PRDM2: variants seen among roughly 807,000 people sequenced by gnomAD.
The protein encoded by PRDM2 is PR domain zinc finger protein 2.
Under a neutral mutation model 130.0 loss-of-function variants are expected in PRDM2, and 30 were observed. The observed-to-expected ratio is 0.23, with a 90% CI of 0.17 to 0.31. The LOEUF is 0.31. Among genes scored for constraint, PRDM2 ranks in the 10% least tolerant of loss-of-function variants. PRDM2 has a pLI of 1.00. For missense variants in PRDM2, 2,011 were observed against 2,108.4 expected, an observed-to-expected ratio of 0.95 and a Z score of 0.90; for synonymous variants, 871 against 782.4, an observed-to-expected ratio of 1.11 and a Z score of -1.89.
At chr1:13,701,527 G>A (rs980655770) in intron 1 of PRDM2, among the ~76,000 whole-genome samples, 5 of 152,118 alleles carry the variant, frequency 3.3e-5, no homozygotes, top group African/African-American at 4.8e-5. Context: ...ACTGTCATAC[G>A]TTCTTTTTTA....
chr1:13,713,554 A>T (rs1350565415), intron 1 of PRDM2, among the ~76,000 whole-genome samples: 1 of 152,226 alleles, frequency 6.6e-6, no homozygotes, highest in African/African-American at 2.4e-5. Context: ...TGAGAGGGAA[A>T]AGGCAAACAA....
At chr1:13,714,084 T>A (rs1211724360) in intron 1 of PRDM2, among the ~76,000 whole-genome samples, 7 of 152,174 alleles carry the variant, frequency 4.6e-5, no homozygotes, top group South Asian at 4.1e-4. Flanking sequence ...TTAGCCAGGA[T>A]GGTCTCGATC....
chr1:13,790,408 C>T (rs1299427682), intron 8 of PRDM2, among the ~76,000 whole-genome samples: 1 of 152,112 alleles, frequency 6.6e-6, no homozygotes, highest in Non-Finnish European at 1.5e-5. Context: ...AATCCTGAGC[C>T]GTGTCCACTT....
intron 5 of PRDM2, among the ~76,000 whole-genome samples, chr1:13,744,709 C>T (rs1265798597): frequency 6.6e-6 from 1 of 152,162 alleles, no homozygotes; most frequent in Admixed American, 6.5e-5. Flanking sequence ...TGTTAACTAG[C>T]TATACTAGTA....
chr1:13,757,733 T>C (rs1643991691), intron 6 of PRDM2, among the ~76,000 whole-genome samples: 1 of 152,016 alleles, frequency 6.6e-6, no homozygotes, highest in Admixed American at 6.6e-5. Flanking sequence ...TGACATTTTG[T>C]TTTTTATTTG....
At chr1:13,711,312 G>T (rs1053957410) in intron 1 of PRDM2, among the ~76,000 whole-genome samples, 2 of 152,176 alleles carry the variant, frequency 1.3e-5, no homozygotes, top group Admixed American at 1.3e-4. Flanking sequence ...GCACTTCCAC[G>T]GGGGTTTTGA....
intron 8 of PRDM2, among the ~76,000 whole-genome samples, chr1:13,789,486 T>C (rs1327741756): frequency 2.0e-5 from 3 of 152,224 alleles, no homozygotes; most frequent in Non-Finnish European, 4.4e-5. Flanking sequence ...CCCCACTTTA[T>C]ACTTCATATT....
rs149228131 is a variant in PRDM2 at position 13,764,548 on chromosome 1, T to C, written c.512-8530T>C. Among the ~76,000 whole-genome samples, 13 of 152,356 alleles carry C rather than the reference T, an allele frequency of 8.5e-5. 1 individual carries two copies. In the South Asian group the frequency reaches 2.3e-3, roughly 27 times the overall value. On this transcript the variant is annotated intron_variant, in intron 6 of 9. Transcript: ENST00000311066. ...AGCCCTTTCTTAAGATGTGGAATTA[T>C]CCAGTCAAAACCACTGAAAGCCTTT... is the stretch of plus-strand genomic sequence containing the variant.
chr1:13,810,500 T>TC (rs2100753958), intron 8 of PRDM2, among the ~76,000 whole-genome samples: 1 of 150,974 alleles, frequency 6.6e-6, no homozygotes, highest in East Asian at 2.0e-4. Context: ...TTCTTTTCTT[T>TC]TTTTTTTGTT....
rs758679551 is a variant in PRDM2, at chr1:13,773,109, A to G, written c.543A>G (p.Lys181=). The change falls in exon 7 of 10, where the codon AAA becomes AAG. Residue 181 remains lysine, a synonymous_variant. Coordinates refer to ENST00000311066, the MANE Select transcript of PRDM2 (RefSeq NM_001393986.1). ...AAAAATCCCAGGAAAATAAAAACAA[A>G]GGAAACAAAATCCAAGACATACAAC... The part of the protein sequence containing the change: ...GKKKSQENKN[K]GNKIQDIQLK... 2 of 1,562,900 alleles carry G rather than the reference A, an allele frequency of 1.3e-6. No homozygotes were observed. Among genetic ancestry groups the G allele is most frequent in the Non-Finnish European group, 1.7e-6 (2 of 1,160,236 alleles).
chr1:13,713,191 T>G (rs1642426698), intron 1 of PRDM2, among the ~76,000 whole-genome samples: 1 of 152,178 alleles, frequency 6.6e-6, no homozygotes, highest in African/African-American at 2.4e-5. Flanking sequence ...CTAAAGCGCT[T>G]TCATTTTCTG....
Position 13,781,097 on chromosome 1 carries a change from A to G in PRDM2, c.3302A>G (p.Lys1101Arg). ...LEASLPMISF[K>R]QEELENEGLK... ...GCTTCTCTCCCCATGATATCTTTCA[A>G]ACAGGAGGAATTAGAGAATGAAGGT... Residue 1101 changes from lysine (K) to arginine (R), a missense_variant, in exon 8 of 10, where the codon AAA becomes AGA. By Grantham distance (26) the Lys-to-Arg change is conservative. Coordinates refer to ENST00000311066, the MANE Select transcript of PRDM2 (RefSeq NM_001393986.1). The surrounding 1 kb of genome is among the most constrained non-coding windows in gnomAD (Gnocchi z 6.1). 6.2e-7 allele frequency: 1 copy of G among 1,613,814 alleles called. No homozygotes were observed. The highest frequency in any genetic ancestry group is 8.5e-7 in the Non-Finnish European group (1 of 1,179,752).
intron 5 of PRDM2, 76 bp from the exon 6 acceptor site, chr1:13,749,285 G>T (rs530360396): frequency 1.1e-5 from 14 of 1,249,942 alleles, no homozygotes; most frequent in African/African-American, 3.3e-5. Context: ...TCCCGCCCGC[G>T]TCCCGGTGCG....
intron 9 of PRDM2, among the ~76,000 whole-genome samples, chr1:13,819,390 C>G (rs543575768): frequency 9.2e-5 from 14 of 152,302 alleles, no homozygotes; most frequent in African/African-American, 2.9e-4. Context: ...TGAAGAGAGG[C>G]CTAACGTCAT....
chr1:13,726,736 A>G (rs148756615), intron 2 of PRDM2, among the ~76,000 whole-genome samples: 14 of 152,328 alleles, frequency 9.2e-5, no homozygotes, highest in Middle Eastern at 3.4e-3. Context: ...TCATTGATAC[A>G]TGTTTAAAGA....
At chr1:13,785,777 C>T (rs1169009562) in intron 8 of PRDM2, among the ~76,000 whole-genome samples, 1 of 147,998 alleles carries the variant, frequency 6.8e-6, no homozygotes, top group Non-Finnish European at 1.5e-5. Context: ...GAGGTGTATT[C>T]TCTACTCACC....
At position 13,781,692 on chromosome 1, in the gene PRDM2, A is replaced by AC. The variant is rs759388966; in HGVS notation, c.3899dup (p.Pro1301ThrfsTer9). Reference sequence around the variant, plus strand: ...TCAATCAGCATTACCCAAGCTTTAAACCACCTCCATTTCAGTACCATCACC... The same window carrying AC: ...TCAATCAGCATTACCCAAGCTTTAAACCCACCTCCATTTCAGTACCATCACC... On this transcript the variant is annotated frameshift_variant, in exon 8 of 10. Coordinates refer to ENST00000311066, the MANE Select transcript of PRDM2 (RefSeq NM_001393986.1). LOFTEE classifies it high-confidence loss of function. This position sits in a 1 kb window ranked among gnomAD's most constrained non-coding sequence, Gnocchi z 6.1. 1 of 1,613,992 alleles carries AC rather than the reference A, an allele frequency of 6.2e-7. No individual in the cohort carries two copies. Among genetic ancestry groups the AC allele is most frequent in the African/African-American group, 1.3e-5 (1 of 74,922 alleles).
chr1:13,733,937 A>G (rs768119995), intron 4 of PRDM2, among the ~76,000 whole-genome samples: 4 of 152,236 alleles, frequency 2.6e-5, no homozygotes, highest in Non-Finnish European at 5.9e-5. Context: ...ATGGCTAGGA[A>G]GTGTGTGGAC....
Position 13,781,960 on chromosome 1 carries a change from T to C in PRDM2, c.4165T>C (p.Ser1389Pro), listed in dbSNP as rs1454720150. The C allele has an allele frequency of 6.2e-7, 1 of 1,614,118 alleles. No individual in the cohort carries two copies. Among genetic ancestry groups the C allele is most frequent in the Admixed American group, 1.7e-5 (1 of 60,026 alleles). The change falls in exon 8 of 10, where the codon TCT (serine) becomes CCT (proline). Residue 1389 changes from serine to proline, a missense_variant. Ser to Pro is a moderately conservative substitution (Grantham distance 74, BLOSUM62 -1). Around this residue, in one of 5 missense-constraint regions of PRDM2, gnomAD observed 229 missense variants for 364.1 expected, o/e 0.63. Transcript: ENST00000311066. The surrounding 1 kb of genome is among the most constrained non-coding windows in gnomAD (Gnocchi z 6.1). Reference protein sequence around the residue: ...PKNGVVVLDNSGKNAFRRMGQ... With the variant: ...PKNGVVVLDNPGKNAFRRMGQ... ...AAATGGCGTGGTGGTTTTAGATAAC[T>C]CTGGGAAAAATGCCTTCCGACGAAT...
Sources: gnomAD v4.1 joint callset for allele counts (sites outside exome capture counted in the v4.1 genomes callset) on GRCh38, gnomAD v4.1.1 for gene constraint, gnomAD v4.1.1 regional missense constraint, Gnocchi (gnomAD v3.1) non-coding constraint, MANE v1.5 for transcripts, NCBI Gene and HGNC (gene_info 2026-07-23, HGNC 2026-07-21) for gene names.